PRR33: variants seen among roughly 807,000 people sequenced by gnomAD.
The protein encoded by PRR33 is proline rich 33.
A neutral mutation model predicts 0.5 loss-of-function variants in PRR33; 1 was observed. The ratio of observed to expected loss-of-function variants is 2.18; its 90% CI spans 0.77 to 10.34. The LOEUF (loss-of-function observed/expected upper bound fraction) is 10.34. Among genes scored for constraint, PRR33 ranks in the 30% most tolerant of loss-of-function variants. The pLI, the probability that PRR33 is intolerant of heterozygous loss-of-function variation, is 0.13. For synonymous variants in PRR33, 226 were observed against 110.0 expected (o/e 2.06, Z -6.60); for missense variants, 552 against 251.8 (o/e 2.19, Z -8.07).
chr11:1,917,080 G>A, the PRR33 span, among the ~76,000 whole-genome samples: 2 of 152,232 alleles, frequency 1.3e-5, no homozygotes, highest in African/African-American at 4.8e-5. Context: ...TAGGCATGTG[G>A]GGAGGCAGCT....
chr11:1,890,240 C>T (rs745521769), exon 1 of PRR33: 15 of 713,220 alleles, frequency 2.1e-5, no homozygotes, highest in Middle Eastern at 2.3e-4. Flanking sequence ...TGGGGGTGTG[C>T]GGGGAGCGGG....
chr11:1,909,734 G>A, the PRR33 span, among the ~76,000 whole-genome samples: 7 of 151,658 alleles, frequency 4.6e-5, no homozygotes, highest in South Asian at 1.5e-3. Flanking sequence ...CAGCCGTGGT[G>A]GTGTCATTGC....
the PRR33 span, among the ~76,000 whole-genome samples, chr11:1,917,458 G>A: frequency 2.0e-5 from 3 of 152,144 alleles, no homozygotes; most frequent in African/African-American, 7.2e-5. Flanking sequence ...AACTGCCCTA[G>A]AGCCAAGGCC....
the PRR33 span, among the ~76,000 whole-genome samples, chr11:1,904,059 G>A: frequency 6.6e-6 from 1 of 152,138 alleles, no homozygotes; most frequent in Non-Finnish European, 1.5e-5. Context: ...AACTCAGATG[G>A]CTCAAAACAC....
chr11:1,897,638 C>T, the PRR33 span, among the ~76,000 whole-genome samples: 1 of 152,184 alleles, frequency 6.6e-6, no homozygotes, highest in South Asian at 2.1e-4. The surrounding 1 kb of genome is among the most constrained non-coding windows in gnomAD (Gnocchi z 4.0). Context: ...GTCAGGTTCT[C>T]ATTTAGTGGA....
exon 1 of PRR33, chr11:1,889,419 G>A (rs1333941880): frequency 1.5e-6 from 1 of 673,924 alleles, no homozygotes; most frequent in Non-Finnish European, 2.8e-6. Context: ...GGCCCGGGGT[G>A]CGGTGAGGGC....
exon 1 of PRR33, chr11:1,888,891 C>A: frequency 2.4e-6 from 1 of 424,752 alleles, no homozygotes; most frequent in South Asian, 6.0e-5. Flanking sequence ...CGACGCAGAC[C>A]CCTTCTCTGT....
upstream of PRR33, among the ~76,000 whole-genome samples, chr11:1,894,312 C>T (rs996501743): frequency 6.6e-6 from 1 of 151,922 alleles, no homozygotes; most frequent in Non-Finnish European, 1.5e-5. Flanking sequence ...GAGCTCCTTG[C>T]AGCCTCAACC....
At chr11:1,912,336 C>T in the PRR33 span, among the ~76,000 whole-genome samples, 4 of 152,034 alleles carry the variant, frequency 2.6e-5, no homozygotes, top group Non-Finnish European at 5.9e-5. Flanking sequence ...GGTTCAATGT[C>T]TTTAAAATGA....
At chr11:1,913,777 C>G in the PRR33 span, among the ~76,000 whole-genome samples, 3 of 152,260 alleles carry the variant, frequency 2.0e-5, no homozygotes, top group Non-Finnish European at 2.9e-5. Flanking sequence ...GTCTGTTCCA[C>G]TAAGCCAAGT....
exon 1 of PRR33, chr11:1,889,079 C>G: frequency 1.7e-6 from 1 of 584,400 alleles, no homozygotes; most frequent in Non-Finnish European, 3.1e-6. Flanking sequence ...GGGCCCCCAG[C>G]TAGAGCCTCA....
the PRR33 span, among the ~76,000 whole-genome samples, chr11:1,904,109 C>T: frequency 3.3e-5 from 5 of 152,232 alleles, no homozygotes; most frequent in African/African-American, 9.6e-5. Flanking sequence ...GAACTTCCCA[C>T]GATCCCCAGC....
chr11:1,912,029 A>G, the PRR33 span, among the ~76,000 whole-genome samples: 2 of 143,410 alleles, frequency 1.4e-5, no homozygotes, highest in Non-Finnish European at 3.0e-5. Context: ...AAAAAAAGCC[A>G]AGTGTGGTGG....
chr11:1,890,122 C>T lies in PRR33; in HGVS notation c.463G>A (p.Ala155Thr), dbSNP rs771168982. 13 of 717,070 alleles carry T rather than the reference C, an allele frequency of 1.8e-5. No homozygotes were observed. In the South Asian group the frequency reaches 1.9e-4, roughly 11 times the overall value. The allele number at this position is 717,070 out of a possible 1,614,324, so 44.4% of individuals were successfully genotyped here. A position where few individuals can be genotyped will look rare whatever the true frequency, so the allele number is the denominator to read the frequency against. Residue 155 changes from alanine (A) to threonine (T), a missense_variant, in exon 1 of 1, where the codon GCC (alanine) becomes ACC (threonine). Physicochemically the swap from Ala to Thr is moderately conservative, Grantham distance 58. Coordinates refer to ENST00000640310, the Ensembl canonical transcript of PRR33. ...GGCCGGGTAGGTTCTGGGGCCGAGG[C>T]TACAACCTGGGGCCCCATGGCCCTG...
At chr11:1,912,297 T>G in the PRR33 span, among the ~76,000 whole-genome samples, 2 of 151,724 alleles carry the variant, frequency 1.3e-5, no homozygotes, top group Non-Finnish European at 2.9e-5. Context: ...TCTTTTTTTT[T>G]GTCTTTGCAC....
At chr11:1,905,332 G>A in the PRR33 span, among the ~76,000 whole-genome samples, 2 of 151,326 alleles carry the variant, frequency 1.3e-5, no homozygotes, top group South Asian at 2.1e-4. Context: ...TCGCCATGTT[G>A]GCCAGGCTAC....
exon 1 of PRR33, chr11:1,888,869 C>A (rs1266632340): frequency 1.5e-5 from 6 of 390,822 alleles, no homozygotes; most frequent in Non-Finnish European, 2.7e-5. Context: ...CCAAGGCCCC[C>A]ATCCTACATC....
the PRR33 span, chr11:1,907,916 C>T: frequency 6.6e-6 from 1 of 152,320 alleles, no homozygotes; most frequent in East Asian, 1.9e-4. Flanking sequence ...CCCGTGCATA[C>T]ACAACATTGC....
chr11:1,904,590 G>A, the PRR33 span, among the ~76,000 whole-genome samples: 1 of 151,724 alleles, frequency 6.6e-6, no homozygotes, highest in Admixed American at 6.6e-5. Flanking sequence ...CTGTACACCT[G>A]TAATTTCAGC....
Sources: gnomAD v4.1 joint callset for allele counts (sites outside exome capture counted in the v4.1 genomes callset) on GRCh38, gnomAD v4.1.1 for gene constraint, Gnocchi (gnomAD v3.1) non-coding constraint, MANE v1.5 for transcripts, NCBI Gene and HGNC (gene_info 2026-07-23, HGNC 2026-07-21) for gene names.